Variants in ANKHD1 observed in about 807,000 individuals in gnomAD.
ANKHD1 encodes ankyrin repeat and KH domain containing 1.
In ANKHD1, 31 loss-of-function variants were observed where a neutral mutation model predicts 230.5. The observed-to-expected ratio is 0.13, with a 90% CI of 0.10 to 0.18. ANKHD1 has a LOEUF of 0.18. Ranked by LOEUF, ANKHD1 falls within the 10% of genes least tolerant of loss-of-function variation. The pLI, the probability that ANKHD1 is intolerant of heterozygous loss-of-function variation, is 1.00. For missense variants in ANKHD1, 2,256 were observed against 3,071.3 expected, an observed-to-expected ratio of 0.73 and a Z score of 6.27; for synonymous variants, 1,074 against 1,117.6, an observed-to-expected ratio of 0.96 and a Z score of 0.78.
intron 1 of ANKHD1, among the ~76,000 whole-genome samples, chr5:140,429,464 A>G (rs997909063): frequency 2.0e-5 from 3 of 152,318 alleles, no homozygotes; most frequent in East Asian, 3.9e-4. Flanking sequence ...CTAACTCAAA[A>G]TATAAATTTA....
At chr5:140,514,420 G>A (rs1752895087) in intron 24 of ANKHD1, among the ~76,000 whole-genome samples, 1 of 151,892 alleles carries the variant, frequency 6.6e-6, no homozygotes, top group Non-Finnish European at 1.5e-5. Context: ...CCTGAGCCCA[G>A]GAGGCAGAGG....
chr5:140,470,547 T>C (rs1581303884), intron 10 of ANKHD1, among the ~76,000 whole-genome samples: 1 of 151,560 alleles, frequency 6.6e-6, no homozygotes, highest in African/African-American at 2.4e-5. Flanking sequence ...TTTGTCCTTT[T>C]CTTCTGCATT....
At chr5:140,426,920 C>G (rs183472667) in intron 1 of ANKHD1, among the ~76,000 whole-genome samples, 1 of 152,232 alleles carries the variant, frequency 6.6e-6, no homozygotes, top group Non-Finnish European at 1.5e-5. Flanking sequence ...CTACCTCTTT[C>G]TACACAGACA....
chr5:140,502,647 A>G (rs969451347), intron 15 of ANKHD1, among the ~76,000 whole-genome samples: 37 of 152,186 alleles, frequency 2.4e-4, no homozygotes, highest in Admixed American at 1.0e-3. Flanking sequence ...TCTGTAACAT[A>G]TTAATCTTCA....
intron 7 of ANKHD1, among the ~76,000 whole-genome samples, chr5:140,456,237 C>G (rs540062907): frequency 6.6e-6 from 1 of 152,168 alleles, no homozygotes; most frequent in African/African-American, 2.4e-5. Context: ...AAGAACATTC[C>G]ATGCTCATGG....
chr5:140,444,624 A>G (rs1461562080), intron 5 of ANKHD1, among the ~76,000 whole-genome samples: 2 of 152,192 alleles, frequency 1.3e-5, no homozygotes, highest in African/African-American at 4.8e-5. Flanking sequence ...GGCCCAGTCC[A>G]AATGTAGCTG....
chr5:140,401,940 G>A lies in ANKHD1; in HGVS notation c.-28G>A, dbSNP rs1410902429. 2 of 1,548,980 alleles carry A rather than the reference G, an allele frequency of 1.3e-6. No individual in the cohort carries two copies. Among genetic ancestry groups the A allele is most frequent in the Non-Finnish European group, 1.7e-6 (2 of 1,154,726 alleles). ...GGCGGCGGTGACCGCGAGTGGGTCG[G>A]CACCGTCTCCGGCTCCGGGTGCGAA... is the stretch of plus-strand genomic sequence containing the variant. On this transcript the variant is annotated 5_prime_UTR_variant, in exon 1 of 34. Transcript: ENST00000360839.
intron 24 of ANKHD1, among the ~76,000 whole-genome samples, chr5:140,514,795 A>G (rs1752919128): frequency 6.6e-6 from 1 of 151,948 alleles, no homozygotes; most frequent in Non-Finnish European, 1.5e-5. Flanking sequence ...ACATAGTGAG[A>G]CCTTGCCTCT....
intron 2 of ANKHD1, among the ~76,000 whole-genome samples, chr5:140,437,892 T>A (rs1444965614): frequency 1.3e-5 from 2 of 152,222 alleles, no homozygotes; most frequent in Admixed American, 1.3e-4. Context: ...TCATGTTATA[T>A]CATTAGTAGA....
At chr5:140,454,978 TAAAG>T (rs1561747933) in intron 7 of ANKHD1, among the ~76,000 whole-genome samples, 1 of 82,724 alleles carries the variant, frequency 1.2e-5, no homozygotes, top group Non-Finnish European at 2.8e-5. Context: ...GCAAGACTAA[TAAAG>T]AAGAAGAGAG....
chr5:140,402,880 C>T (rs1770085133), intron 1 of ANKHD1, among the ~76,000 whole-genome samples: 1 of 151,548 alleles, frequency 6.6e-6, no homozygotes. Flanking sequence ...AGTTCCAGGG[C>T]ATCCCTGAGC....
intron 9 of ANKHD1, among the ~76,000 whole-genome samples, chr5:140,462,745 G>A (rs1340126651): frequency 3.8e-5 from 4 of 104,272 alleles, no homozygotes; most frequent in South Asian, 3.5e-4. Flanking sequence ...AAAAAGAATG[G>A]CAAGAAAAAT....
intron 14 of ANKHD1, among the ~76,000 whole-genome samples, chr5:140,493,897 A>G (rs1004425362): frequency 1.3e-5 from 2 of 152,190 alleles, no homozygotes; most frequent in African/African-American, 4.8e-5. Flanking sequence ...TTTGGATTAT[A>G]CTATGTATAA....
At chr5:140,421,476 T>C (rs1227034919) in intron 1 of ANKHD1, among the ~76,000 whole-genome samples, 1 of 151,960 alleles carries the variant, frequency 6.6e-6, no homozygotes, top group Non-Finnish European at 1.5e-5. Context: ...AATTTTTGTA[T>C]TTTTAGTAGA....
At chr5:140,482,762 AC>A in intron 11 of ANKHD1, 95 bp downstream of exon 11, 8 of 1,292,566 alleles carry the variant, frequency 6.2e-6, no homozygotes, top group Non-Finnish European at 8.6e-6. Context: ...TACTTTACCT[AC>A]AGTAAAGTAT....
At chr5:140,458,284 T>C (rs1775370314) in intron 7 of ANKHD1, among the ~76,000 whole-genome samples, 1 of 152,196 alleles carries the variant, frequency 6.6e-6, no homozygotes, top group Non-Finnish European at 1.5e-5. Flanking sequence ...TATTTTGAGG[T>C]AGCATTGACT....
In ANKHD1 at chr5:140,440,203, T is replaced by C; in HGVS notation, c.702T>C (p.His234=). 6.2e-7 allele frequency: 1 copy of C among 1,613,656 alleles called. No individual in the cohort carries two copies. Among genetic ancestry groups the C allele is most frequent in the Admixed American group, 1.7e-5 (1 of 59,990 alleles). ...LLDEGRSVNE[H]TEEGESLLCL... ...ATGAAGGCAGAAGTGTAAATGAACA[T>C]ACAGAAGAAGGAGAAAGCCTGCTGT... The change falls in exon 4 of 34, where the codon CAT becomes CAC. Residue 234 remains histidine, a synonymous_variant. Coordinates refer to ENST00000360839, the MANE Select transcript of ANKHD1 (RefSeq NM_017747.3).
intron 2 of ANKHD1, among the ~76,000 whole-genome samples, chr5:140,436,495 C>T (rs1214402082): frequency 6.6e-6 from 1 of 152,120 alleles, no homozygotes; most frequent in East Asian, 1.9e-4. Flanking sequence ...CCTGTAATCC[C>T]AGCACTTTGG....
chr5:140,409,743 G>A (rs867920314), intron 1 of ANKHD1, among the ~76,000 whole-genome samples: 1 of 151,832 alleles, frequency 6.6e-6, no homozygotes, highest in Admixed American at 6.6e-5. Context: ...TAGTAGAGAC[G>A]GTGTTTCACT....
Sources: gnomAD v4.1 joint callset for allele counts (sites outside exome capture counted in the v4.1 genomes callset) on GRCh38, gnomAD v4.1.1 for gene constraint, MANE v1.5 for transcripts, NCBI Gene and HGNC (gene_info 2026-07-23, HGNC 2026-07-21) for gene names.